The following TNIK variants were observed in gnomAD, a reference collection of about 807,000 sequenced individuals.
The protein encoded by TNIK is TRAF2 and NCK-interacting protein kinase.
A neutral mutation model predicts 191.3 loss-of-function variants in TNIK; 49 were observed. The observed-to-expected ratio is 0.26, with a 90% CI of 0.20 to 0.32. TNIK has a LOEUF of 0.32. Among genes scored for constraint, TNIK ranks in the 10% least tolerant of loss-of-function variants. The pLI is 1.00. For synonymous variants in TNIK, 594 were observed against 600.9 expected, an observed-to-expected ratio of 0.99 and a Z score of 0.17; for missense variants, 1,155 against 1,702.3, an observed-to-expected ratio of 0.68 and a Z score of 5.66.
chr3:171,124,708 T>C (rs1016286834), intron 17 of TNIK, among the ~76,000 whole-genome samples: 1 of 152,196 alleles, frequency 6.6e-6, no homozygotes, highest in African/African-American at 2.4e-5. Context: ...TTATTACTAT[T>C]TTTTCTTTTC....
intron 2 of TNIK, among the ~76,000 whole-genome samples, chr3:171,355,195 C>G (rs1234798903): frequency 6.6e-6 from 1 of 152,188 alleles, no homozygotes; most frequent in Non-Finnish European, 1.5e-5. Flanking sequence ...CCCCATCCTA[C>G]AGCAGACCAT....
rs558201508 is a variant in TNIK at position 171,244,240 on chromosome 3, AT to A, written c.124-16020del. 1.1e-4 allele frequency among the ~76,000 whole-genome samples: 17 copies of A among 151,318 alleles called. No individual in the cohort carries two copies. In the South Asian group the frequency reaches 1.5e-3, roughly 13 times the overall value. On this transcript the variant is annotated intron_variant, in intron 2 of 32. Coordinates refer to ENST00000436636, the MANE Select transcript of TNIK (RefSeq NM_015028.4). ...CCACCACGCCCGGCTAATTTTTTGT[AT>A]TTTTTAGTAGAGACGGGGTTTCACC...
intron 2 of TNIK, among the ~76,000 whole-genome samples, chr3:171,281,314 C>G (rs1166393329): frequency 2.6e-5 from 4 of 152,164 alleles, no homozygotes; most frequent in Non-Finnish European, 5.9e-5. Context: ...TGGCATTACA[C>G]AGTCAACAAG....
intron 1 of TNIK, among the ~76,000 whole-genome samples, chr3:171,429,331 T>A (rs902478430): frequency 2.6e-5 from 4 of 152,230 alleles, no homozygotes; most frequent in African/African-American, 4.8e-5. Flanking sequence ...CCAGCTTAAT[T>A]TTCTAAAACA....
At chr3:171,379,548 GAGACTGTTTTCTA>G (rs1232828894) in intron 1 of TNIK, among the ~76,000 whole-genome samples, 3 of 152,164 alleles carry the variant, frequency 2.0e-5, no homozygotes, top group Non-Finnish European at 4.4e-5. Context: ...TGTGTGTTCA[GAGACTGTTTTCTA>G]ACACATTCAG....
intron 29 of TNIK, among the ~76,000 whole-genome samples, chr3:171,069,582 C>A (rs1718922987): frequency 6.6e-6 from 1 of 152,140 alleles, no homozygotes; most frequent in African/African-American, 2.4e-5. Flanking sequence ...GGGAGTGGAA[C>A]ATCACAAGAT....
chr3:171,313,317 G>A (rs1754258225), intron 2 of TNIK, among the ~76,000 whole-genome samples: 2 of 151,496 alleles, frequency 1.3e-5, no homozygotes, highest in Non-Finnish European at 2.9e-5. Flanking sequence ...ACAGAACAGT[G>A]GATCTGGAAG....
rs189136900 is a variant in TNIK at position 171,180,810 on chromosome 3, C to T, written c.640-3430G>A. Among the ~76,000 whole-genome samples, 10 of 152,280 alleles carry T rather than the reference C, an allele frequency of 6.6e-5. No homozygotes were observed. In the East Asian group the frequency reaches 1.2e-3, roughly 18 times the overall value. ...AAGGACTTGAGTATTCACCATTTTTCCCCTTATCATTTTTGTTATCAAAAT... is the reference window on the plus strand; with the variant it reads ...AAGGACTTGAGTATTCACCATTTTTTCCCTTATCATTTTTGTTATCAAAAT... On this transcript the variant is annotated intron_variant, in intron 7 of 32. Transcript: ENST00000436636.
chr3:171,420,750 A>G (rs1193309795), intron 1 of TNIK, among the ~76,000 whole-genome samples: 1 of 152,196 alleles, frequency 6.6e-6, no homozygotes, highest in East Asian at 1.9e-4. Flanking sequence ...TAAATAAAAT[A>G]AGGGTTACTC....
intron 32 of TNIK, among the ~76,000 whole-genome samples, chr3:171,065,579 C>A (rs1718331267): frequency 6.6e-6 from 1 of 152,192 alleles, no homozygotes; most frequent in Admixed American, 6.5e-5. Context: ...AGTACTGCTG[C>A]AGAATACCCC....
intron 2 of TNIK, among the ~76,000 whole-genome samples, chr3:171,276,786 T>C (rs1200450781): frequency 1.3e-5 from 2 of 152,226 alleles, no homozygotes; most frequent in Non-Finnish European, 2.9e-5. Flanking sequence ...TCAAGATGCA[T>C]ACTTAAGAAG....
intron 1 of TNIK, among the ~76,000 whole-genome samples, chr3:171,395,600 T>G (rs1025308802): frequency 2.0e-5 from 3 of 152,158 alleles, no homozygotes; most frequent in Non-Finnish European, 4.4e-5. Flanking sequence ...ACAGTAAGTA[T>G]CCATAGAAAG....
At chr3:171,321,832 G>A (rs11927504) in intron 2 of TNIK, among the ~76,000 whole-genome samples, 28 of 152,294 alleles carry the variant, frequency 1.8e-4, no homozygotes, top group African/African-American at 6.5e-4. Flanking sequence ...GGAGCCCATT[G>A]TAATTCAATT....
In TNIK at chr3:171,449,614, A is replaced by G. The variant is rs549808444; in HGVS notation, c.57+10393T>C. On this transcript the variant is annotated intron_variant, in intron 1 of 32. Transcript: ENST00000436636. ...ATGCATAGGAAAAAACTACTAAGCC[A>G]TACACCAAAGTGCATATGTGGTTAT... is the stretch of plus-strand genomic sequence containing the variant. Among the ~76,000 whole-genome samples, 996 of 152,246 alleles carry G rather than the reference A, an allele frequency of 6.5e-3. 6 individuals carry two copies. Among genetic ancestry groups the G allele is most frequent in the African/African-American group, 0.014 (588 of 41,534 alleles).
chr3:171,442,506 A>G lies in TNIK; in HGVS notation c.57+17501T>C, dbSNP rs553903360. Among the ~76,000 whole-genome samples the G allele has an allele frequency of 6.6e-5, 10 of 152,346 alleles. No homozygotes were observed. In the South Asian group the frequency reaches 2.1e-3, roughly 32 times the overall value. On this transcript the variant is annotated intron_variant, in intron 1 of 32. Coordinates refer to ENST00000436636, the MANE Select transcript of TNIK (RefSeq NM_015028.4). Reference sequence around the variant, plus strand: ...CTTCAACAGACTCTTTCAATCTAGAAAGCAAACCCTGTATCTGGGGCTCGG... The same window carrying G: ...CTTCAACAGACTCTTTCAATCTAGAGAGCAAACCCTGTATCTGGGGCTCGG...
intron 2 of TNIK, among the ~76,000 whole-genome samples, chr3:171,292,839 G>T (rs1363319963): frequency 6.7e-6 from 1 of 150,234 alleles, no homozygotes; most frequent in African/African-American, 2.5e-5. Context: ...CACAATCTTG[G>T]GCTCTCCTTG....
chr3:171,415,074 G>A (rs1237097600), intron 1 of TNIK, among the ~76,000 whole-genome samples: 3 of 151,988 alleles, frequency 2.0e-5, no homozygotes, highest in African/African-American at 7.2e-5. Context: ...TGCCCAACCC[G>A]CTGCCTGGCT....
intron 18 of TNIK, among the ~76,000 whole-genome samples, chr3:171,118,569 T>A (rs1419489235): frequency 6.6e-6 from 1 of 152,172 alleles, no homozygotes; most frequent in Admixed American, 6.5e-5. Context: ...CAAAACAGCA[T>A]GGTACTGGTA....
chr3:171,123,033 A>G (rs2108558765), intron 18 of TNIK, among the ~76,000 whole-genome samples: 1 of 152,372 alleles, frequency 6.6e-6, no homozygotes, highest in East Asian at 1.9e-4. Flanking sequence ...CAAGAGTGGA[A>G]GCATAACTGT....
Sources: gnomAD v4.1 joint callset for allele counts (sites outside exome capture counted in the v4.1 genomes callset) on GRCh38, gnomAD v4.1.1 for gene constraint, MANE v1.5 for transcripts, NCBI Gene and HGNC (gene_info 2026-07-23, HGNC 2026-07-21) for gene names.